The following TBC1D12 variants were observed in gnomAD, a reference collection of about 807,000 sequenced individuals.
TBC1D12 encodes TBC1 domain family, member 12.
TBC1D12 carries 56 observed loss-of-function variants against 86.7 expected under a neutral mutation model. The ratio of observed to expected loss-of-function variants is 0.65; its 90% CI spans 0.52 to 0.81. TBC1D12 has a LOEUF of 0.81. Ranked by LOEUF, TBC1D12 falls within the 30% of genes least tolerant of loss-of-function variation. TBC1D12 has a pLI of 0.00. For missense variants in TBC1D12, 1,023 were observed against 1,038.8 expected (o/e 0.98, Z 0.21); for synonymous variants, 421 against 411.7 (o/e 1.02, Z -0.27).
intron 3 of TBC1D12, among the ~76,000 whole-genome samples, chr10:94,475,602 T>G (rs770826286): frequency 6.6e-6 from 1 of 152,034 alleles, no homozygotes; most frequent in African/African-American, 2.4e-5. Context: ...GGCTAATTTT[T>G]TGTGTGCATT....
chr10:94,427,864 AAAAG>A (rs2055168319), intron 1 of TBC1D12, among the ~76,000 whole-genome samples: 2 of 150,998 alleles, frequency 1.3e-5, no homozygotes, highest in African/African-American at 2.4e-5. Context: ...AAAAGGAAAG[AAAAG>A]AAAGAAGACC....
chr10:94,497,983 C>T (rs1044687394), intron 5 of TBC1D12, among the ~76,000 whole-genome samples: 1 of 151,932 alleles, frequency 6.6e-6, no homozygotes, highest in Non-Finnish European at 1.5e-5. Context: ...CCACCATGCC[C>T]TGCTAATTTT....
intron 2 of TBC1D12, among the ~76,000 whole-genome samples, chr10:94,450,548 A>G (rs2055534927): frequency 6.6e-6 from 1 of 152,150 alleles, no homozygotes; most frequent in South Asian, 2.1e-4. Context: ...TTTATCTAAA[A>G]TACTTTTAAA....
chr10:94,533,197 C>A lies in TBC1D12; in HGVS notation c.*101C>A. On this transcript the variant is annotated 3_prime_UTR_variant, in exon 13 of 13. Transcript: ENST00000225235. ...GCGTGGAAGAAAATGTTGGAGATAC[C>A]TAAAAGAATCAAGAGGTGGAAAACT... The A allele has an allele frequency of 1.6e-6, 1 of 631,210 alleles. No homozygotes were observed. Among genetic ancestry groups the A allele is most frequent in the Non-Finnish European group, 2.6e-6 (1 of 380,064 alleles). 39.1% of individuals were successfully genotyped at this position (631,210 alleles called of 1,614,324 possible).
intron 2 of TBC1D12, among the ~76,000 whole-genome samples, chr10:94,458,065 TTTGA>T (rs1402429476): frequency 6.6e-6 from 1 of 152,164 alleles, no homozygotes; most frequent in East Asian, 1.9e-4. Context: ...GTTGCTATGG[TTTGA>T]TTGTTTATCC....
At chr10:94,462,699 A>C (rs999625137) in intron 2 of TBC1D12, among the ~76,000 whole-genome samples, 9 of 150,322 alleles carry the variant, frequency 6.0e-5, no homozygotes, top group Non-Finnish European at 8.9e-5. Context: ...TAAATTATTC[A>C]TATTTTCTTA....
chr10:94,429,797 G>A (rs1211460133), intron 1 of TBC1D12, among the ~76,000 whole-genome samples: 3 of 151,842 alleles, frequency 2.0e-5, no homozygotes, highest in Non-Finnish European at 2.9e-5. Context: ...GCAGTGGTAC[G>A]ATCTTGTGTT....
At chr10:94,420,169 A>AT (rs1277000529) in intron 1 of TBC1D12, among the ~76,000 whole-genome samples, 1 of 152,128 alleles carries the variant, frequency 6.6e-6, no homozygotes, top group African/African-American at 2.4e-5. Flanking sequence ...TAACACCCTT[A>AT]TAAGAAGAGG....
Position 94,408,773 on chromosome 10 carries a change from T to C in TBC1D12, c.971+5189T>C, listed in dbSNP as rs183731280. Among the ~76,000 whole-genome samples the C allele has an allele frequency of 1.5e-3, 234 of 152,268 alleles. 1 individual carries two copies. The highest frequency in any genetic ancestry group is 2.7e-3 in the Non-Finnish European group (185 of 68,024). The stretch of plus-strand genomic sequence containing the variant: ...AGTGAGTTTCTCAAAAAAAATTCCT[T>C]TCTCAAATCACTAAAGAAAAGGCAA... On this transcript the variant is annotated intron_variant, in intron 1 of 12. Transcript: ENST00000225235.
Position 94,471,998 on chromosome 10 carries a change from T to A in TBC1D12, c.1096-2670T>A, listed in dbSNP as rs115154647. The stretch of plus-strand genomic sequence containing the variant: ...TCATATTGCATCATACAAGAAATAT[T>A]CTGTCTGGGGGTCTCCTTTTGTGAT... On this transcript the variant is annotated intron_variant, in intron 2 of 12. Coordinates refer to ENST00000225235, the MANE Select transcript of TBC1D12 (RefSeq NM_015188.2). Among the ~76,000 whole-genome samples, 1,476 of 152,304 alleles carry A rather than the reference T, an allele frequency of 9.7e-3. 26 individuals are homozygous for A. Among genetic ancestry groups the A allele is most frequent in the African/African-American group, 0.034 (1,396 of 41,574 alleles).
At chr10:94,461,576 A>G (rs567085108) in intron 2 of TBC1D12, among the ~76,000 whole-genome samples, 1 of 152,362 alleles carries the variant, frequency 6.6e-6, no homozygotes, top group South Asian at 2.1e-4. Flanking sequence ...AGTGTATGCA[A>G]CTGGGTCCTC....
At chr10:94,523,192 CA>C (rs33935088) in intron 11 of TBC1D12, among the ~76,000 whole-genome samples, 444 of 44,072 alleles carry the variant, frequency 0.01, no homozygotes, top group South Asian at 0.036. Context: ...AACTCTATCT[CA>C]AAAAAAAAAA....
rs2054791240 is a variant in TBC1D12 at position 94,403,039 on chromosome 10, G to C, written c.426G>C (p.Pro142=). 8.9e-6 allele frequency: 14 copies of C among 1,564,982 alleles called. No individual in the cohort carries two copies. Among genetic ancestry groups the C allele is most frequent in the Non-Finnish European group, 1.2e-5 (14 of 1,160,232 alleles). The change falls in exon 1 of 13, where the codon CCG becomes CCC. Residue 142 remains proline, a synonymous_variant. Coordinates refer to ENST00000225235, the MANE Select transcript of TBC1D12 (RefSeq NM_015188.2). ...GMTNGDSGFL[P]GRDCRDLEEA... ...CCAACGGCGACTCGGGTTTTCTGCC[G>C]GGCCGGGACTGTCGCGATCTGGAAG...
At position 94,402,970 on chromosome 10, in the gene TBC1D12, C is replaced by T; in HGVS notation, c.357C>T (p.Gly119=). The T allele has an allele frequency of 6.4e-7, 1 of 1,574,790 alleles. No individual in the cohort carries two copies. Among genetic ancestry groups the T allele is most frequent in the South Asian group, 1.2e-5 (1 of 86,728 alleles). ...TGGGCTCGGGCTCCAAACACCGCGG[C>T]GCGGAGGTGGCTGATGGCCGCGCGC... is the stretch of plus-strand genomic sequence containing the variant. ...CLLGSGSKHR[G]AEVADGRAPR... The change falls in exon 1 of 13, where the codon GGC becomes GGT. Residue 119 remains glycine, a synonymous_variant. Transcript: ENST00000225235.
intron 1 of TBC1D12, among the ~76,000 whole-genome samples, chr10:94,433,972 C>A (rs2055257060): frequency 6.6e-6 from 1 of 151,612 alleles, no homozygotes; most frequent in Admixed American, 6.6e-5. Flanking sequence ...AAAATTTGTT[C>A]ATTGTAAATT....
chr10:94,449,346 A>G (rs2055516172), intron 2 of TBC1D12, among the ~76,000 whole-genome samples: 1 of 152,196 alleles, frequency 6.6e-6, no homozygotes, highest in Non-Finnish European at 1.5e-5. Flanking sequence ...CGGTACTCTT[A>G]TATGCCAGAA....
At chr10:94,506,774 A>T (rs1414500564) in intron 6 of TBC1D12, among the ~76,000 whole-genome samples, 1 of 152,202 alleles carries the variant, frequency 6.6e-6, no homozygotes, top group Non-Finnish European at 1.5e-5. Flanking sequence ...AGAAAGCAAG[A>T]TCGAGCATCT....
At position 94,404,231 on chromosome 10, in the gene TBC1D12, G is replaced by T. The variant is rs945122; in HGVS notation, c.971+647G>T. Among the ~76,000 whole-genome samples the T allele has an allele frequency of 7.6e-3, 1,162 of 152,358 alleles. 16 individuals carry two copies. The highest frequency in any genetic ancestry group is 0.027 in the African/African-American group (1,111 of 41,574). On this transcript the variant is annotated intron_variant, in intron 1 of 12. Coordinates refer to ENST00000225235, the MANE Select transcript of TBC1D12 (RefSeq NM_015188.2). ...ATCCCAACTTTTTAAGCCAAAGTAG[G>T]GCTTTTACTAAGGAAAGCCTTTTTT...
intron 1 of TBC1D12, among the ~76,000 whole-genome samples, chr10:94,431,161 TC>T (rs1457257773): frequency 6.6e-6 from 1 of 152,098 alleles, no homozygotes; most frequent in Non-Finnish European, 1.5e-5. Context: ...ACTCCTGTAA[TC>T]CCAGCACTTT....
Sources: gnomAD v4.1 joint callset for allele counts (sites outside exome capture counted in the v4.1 genomes callset) on GRCh38, gnomAD v4.1.1 for gene constraint, MANE v1.5 for transcripts, NCBI Gene and HGNC (gene_info 2026-07-23, HGNC 2026-07-21) for gene names.